The following STOX2 variants were observed in gnomAD, a reference collection of about 807,000 sequenced individuals.
STOX2 encodes the protein storkhead box 2, also known as storkhead-box protein 2.
In STOX2, 28 loss-of-function variants were observed where a neutral mutation model predicts 60.9. That is an observed-to-expected ratio of 0.46 (90% CI 0.34 to 0.63). The LOEUF (loss-of-function observed/expected upper bound fraction) is 0.63, where lower values mean the gene tolerates loss of function less well. Ranked by LOEUF, STOX2 falls within the 30% of genes least tolerant of loss-of-function variation. The pLI, the probability that STOX2 is intolerant of heterozygous loss-of-function variation, is 0.01. For synonymous variants in STOX2, 472 were observed against 463.9 expected (o/e 1.02, Z -0.22); for missense variants, 1,024 against 1,187.7 (o/e 0.86, Z 2.03).
At chr4:183,923,326 A>G (rs912117309) in intron 1 of STOX2, among the ~76,000 whole-genome samples, 2 of 152,192 alleles carry the variant, frequency 1.3e-5, no homozygotes, top group African/African-American at 4.8e-5. Context: ...AGCCATCCTA[A>G]TGGATGTGTG....
rs150019727 is a variant in STOX2, at chr4:184,005,545, T to C, written c.320-3613T>C. On this transcript the variant is annotated intron_variant, in intron 2 of 3. Transcript: ENST00000308497. ...ATAGTTATTTTTGCTTTGAAAAATG[T>C]AAAGGTGTGGAAGAGATCAGGTTCA... Among the ~76,000 whole-genome samples, 763 of 151,468 alleles carry C rather than the reference T, an allele frequency of 5.0e-3. 4 individuals carry two copies. The highest frequency in any genetic ancestry group is 8.2e-3 in the Non-Finnish European group (557 of 67,904).
chr4:183,823,392 G>A (rs530468322), intron 1 of STOX2, among the ~76,000 whole-genome samples: 12 of 152,246 alleles, frequency 7.9e-5, no homozygotes, highest in East Asian at 7.7e-4. Flanking sequence ...GCAAAACTCC[G>A]TCTAAAAACA....
chr4:183,873,503 G>T (rs1285840331), intron 1 of STOX2, among the ~76,000 whole-genome samples: 1 of 151,622 alleles, frequency 6.6e-6, no homozygotes, highest in Non-Finnish European at 1.5e-5. Flanking sequence ...TGCATTCTAG[G>T]TTTCCAGAAG....
intron 1 of STOX2, among the ~76,000 whole-genome samples, chr4:183,802,697 C>G (rs2111091932): frequency 6.6e-6 from 1 of 152,170 alleles, no homozygotes; most frequent in African/African-American, 2.4e-5. Flanking sequence ...GCTCCGCCTC[C>G]CGGGTTCACG....
chr4:183,832,011 C>G (rs1261047983), intron 1 of STOX2, among the ~76,000 whole-genome samples: 1 of 142,734 alleles, frequency 7.0e-6, no homozygotes, highest in African/African-American at 2.6e-5. Context: ...TTTTTTGAGA[C>G]AGAGTTTCAC....
intron 1 of STOX2, among the ~76,000 whole-genome samples, chr4:183,965,346 A>T (rs1217019585): frequency 1.3e-5 from 2 of 152,204 alleles, no homozygotes; most frequent in East Asian, 3.8e-4. Flanking sequence ...ACCTATATGA[A>T]GTGTCTGACA....
chr4:183,947,981 C>T (rs1560898345), intron 1 of STOX2, among the ~76,000 whole-genome samples: 1 of 152,054 alleles, frequency 6.6e-6, no homozygotes, highest in Non-Finnish European at 1.5e-5. Context: ...CTTTGGGAAG[C>T]TGAGGTGGGC....
At chr4:183,818,119 G>C (rs1216241681) in intron 1 of STOX2, among the ~76,000 whole-genome samples, 1 of 137,246 alleles carries the variant, frequency 7.3e-6, no homozygotes, top group Non-Finnish European at 1.6e-5. Context: ...TTTTTTAATT[G>C]ATCATTCTTG....
rs542976795 is a variant in STOX2, at chr4:183,883,389, G to T, written c.364+85334G>T. On this transcript the variant is annotated intron_variant, in intron 1 of 2. Coordinates refer to the STOX2 transcript ENST00000513034. ...GGCTGGAGTGCAGTGGCGCGATCTC[G>T]GCTCACTGCAAGCTCCGCCTCCCAG... 2.7e-5 allele frequency among the ~76,000 whole-genome samples: 4 copies of T among 149,356 alleles called. No individual in the cohort carries two copies. In the East Asian group the frequency reaches 8.0e-4, roughly 30 times the overall value.
intron 1 of STOX2, among the ~76,000 whole-genome samples, chr4:183,942,305 T>TTATA (rs144198280): frequency 1.3e-5 from 2 of 149,350 alleles, no homozygotes; most frequent in African/African-American, 2.5e-5. Context: ...CACATTTGCA[T>TTATA]TATATATATA....
At chr4:183,872,548 A>G (rs1411967323) in intron 1 of STOX2, among the ~76,000 whole-genome samples, 4 of 152,356 alleles carry the variant, frequency 2.6e-5, no homozygotes, top group African/African-American at 9.6e-5. Context: ...TATCAAGGCT[A>G]TGTGTCAGAG....
chr4:184,010,410 C>A lies in STOX2; in HGVS notation c.1572C>A (p.Ser524Arg), dbSNP rs1170906966. The change falls in exon 3 of 4, where the codon AGC becomes AGA. Residue 524 changes from serine (S) to arginine (R), a missense_variant. Ser to Arg is a moderately radical substitution (Grantham distance 110). Around this residue, in one of 3 missense-constraint regions of STOX2, gnomAD observed 922 missense variants for 1,058.3 expected, o/e 0.87. Coordinates refer to ENST00000308497, the MANE Select transcript of STOX2 (RefSeq NM_020225.3). This position sits in a 1 kb window ranked among gnomAD's most constrained non-coding sequence, Gnocchi z 4.5. ...EGCSQDDQTP[S>R]QSYIDDSTLR... ...GCAGCCAAGACGACCAGACCCCCAGCCAATCCTACATTGACGACAGTACTT... is the reference window on the plus strand; with the variant it reads ...GCAGCCAAGACGACCAGACCCCCAGACAATCCTACATTGACGACAGTACTT... 2 of 1,613,766 alleles carry A rather than the reference C, an allele frequency of 1.2e-6. No homozygotes were observed. Among genetic ancestry groups the A allele is most frequent in the East Asian group, 2.2e-5 (1 of 44,876 alleles).
At chr4:183,967,714 G>A (rs886868523) in intron 1 of STOX2, among the ~76,000 whole-genome samples, 1 of 152,118 alleles carries the variant, frequency 6.6e-6, no homozygotes, top group Non-Finnish European at 1.5e-5. Flanking sequence ...GGTGATAGTA[G>A]GAAGGAAAGT....
In STOX2 at chr4:184,001,579, C is replaced by A; in HGVS notation, c.319+102C>A. ...CCCATGTTTAAAGAGAATAGGAAAA[C>A]ATTCTTCCCCAAAACTGACCCGAAG... On this transcript the variant is annotated intron_variant, in intron 2 of 3. Coordinates refer to ENST00000308497, the MANE Select transcript of STOX2 (RefSeq NM_020225.3). The surrounding 1 kb of genome is among the most constrained non-coding windows in gnomAD (Gnocchi z 4.2). The A allele has an allele frequency of 2.6e-6, 3 of 1,159,988 alleles. No homozygotes were observed. The highest frequency in any genetic ancestry group is 2.3e-6 in the Non-Finnish European group (2 of 853,258). The allele number at this position is 1,159,988 out of a possible 1,614,324, so 71.9% of individuals were successfully genotyped here. A position where few individuals can be genotyped will look rare whatever the true frequency, so the allele number is the denominator to read the frequency against.
chr4:183,912,604 C>T (rs375826190), intron 1 of STOX2, among the ~76,000 whole-genome samples: 129 of 152,310 alleles, frequency 8.5e-4, no homozygotes, highest in African/African-American at 3.0e-3. Flanking sequence ...CAGAGTGATT[C>T]GCTCCCACGA....
chr4:183,903,437 AT>A (rs1741507337), upstream of STOX2, among the ~76,000 whole-genome samples: 1 of 152,114 alleles, frequency 6.6e-6, no homozygotes, highest in African/African-American at 2.4e-5. Flanking sequence ...TAGAGAGATT[AT>A]TGTTCTTCAT....
chr4:183,982,959 C>T (rs1732708734), intron 1 of STOX2, among the ~76,000 whole-genome samples: 1 of 152,176 alleles, frequency 6.6e-6, no homozygotes, highest in Admixed American at 6.5e-5. Context: ...CTGTAGAAAC[C>T]TTTAATGCCA....
At chr4:183,879,467 T>C (rs543510809) in intron 1 of STOX2, among the ~76,000 whole-genome samples, 52 of 152,236 alleles carry the variant, frequency 3.4e-4, no homozygotes, top group Non-Finnish European at 5.6e-4. Context: ...GAGTTCACAA[T>C]GCGGCTGGGC....
chr4:183,852,428 AGAAAGGATGAGG>A (rs1740171846), intron 1 of STOX2, among the ~76,000 whole-genome samples: 2 of 23,630 alleles, frequency 8.5e-5, no homozygotes, highest in African/African-American at 3.8e-4. Flanking sequence ...AAAGGATGAG[AGAAAGGATGAGG>A]GAAAGGTTGA....
Sources: gnomAD v4.1 joint callset for allele counts (sites outside exome capture counted in the v4.1 genomes callset) on GRCh38, gnomAD v4.1.1 for gene constraint, gnomAD v4.1.1 regional missense constraint, Gnocchi (gnomAD v3.1) non-coding constraint, MANE v1.5 for transcripts, NCBI Gene and HGNC (gene_info 2026-07-23, HGNC 2026-07-21) for gene names.